Variants in DPF3 observed in about 807,000 individuals in gnomAD.
DPF3 encodes double PHD fingers 3.
DPF3 carries 18 observed loss-of-function variants against 56.8 expected under a neutral mutation model. That is an observed-to-expected ratio of 0.32 (90% CI 0.22 to 0.47). DPF3 has a LOEUF of 0.47. Among genes scored for constraint, DPF3 ranks in the 20% least tolerant of loss-of-function variants. The pLI, the probability that DPF3 is intolerant of heterozygous loss-of-function variation, is 1.00. For synonymous variants in DPF3, 188 were observed against 180.2 expected (o/e 1.04, Z -0.35); for missense variants, 403 against 488.8 (o/e 0.82, Z 1.65).
chr14:72,845,763 G>A (rs977930447), intron 1 of DPF3, among the ~76,000 whole-genome samples: 4 of 152,164 alleles, frequency 2.6e-5, no homozygotes, highest in Admixed American at 6.5e-5. Flanking sequence ...TCTATCCACT[G>A]TGTGAATTGC....
At chr14:72,811,448 C>T (rs1883040798) in intron 1 of DPF3, among the ~76,000 whole-genome samples, 1 of 152,130 alleles carries the variant, frequency 6.6e-6, no homozygotes, top group Non-Finnish European at 1.5e-5. Context: ...TCCTCACAGC[C>T]CTCAGAAGGA....
chr14:72,726,917 C>T (rs911959833), intron 4 of DPF3, among the ~76,000 whole-genome samples: 10 of 152,112 alleles, frequency 6.6e-5, no homozygotes, highest in African/African-American at 2.4e-4. Context: ...TCCTGATTTC[C>T]CTCCTTCCAT....
At chr14:72,693,849 A>G (rs1387962862) in intron 6 of DPF3, among the ~76,000 whole-genome samples, 1 of 152,198 alleles carries the variant, frequency 6.6e-6, no homozygotes, top group African/African-American at 2.4e-5. Context: ...TATCTGGATA[A>G]TCCTTTTGAT....
At chr14:72,621,742 C>T (rs548925091) in intron 9 of DPF3, among the ~76,000 whole-genome samples, 3 of 152,252 alleles carry the variant, frequency 2.0e-5, no homozygotes, top group African/African-American at 7.2e-5. Context: ...ATTACAATTG[C>T]GGCATGGAGA....
At chr14:72,835,375 T>A (rs925653187) in intron 1 of DPF3, among the ~76,000 whole-genome samples, 12 of 152,270 alleles carry the variant, frequency 7.9e-5, no homozygotes, top group Admixed American at 2.0e-4. Flanking sequence ...CCAGGATTTC[T>A]TTGTAGGGTG....
chr14:72,852,473 GA>G (rs1885021253), intron 1 of DPF3, among the ~76,000 whole-genome samples: 2 of 152,342 alleles, frequency 1.3e-5, no homozygotes, highest in African/African-American at 2.4e-5. Flanking sequence ...GAAATGGGGA[GA>G]GGGGTGGGAT....
intron 1 of DPF3, among the ~76,000 whole-genome samples, chr14:72,785,502 A>AC (rs1892174320): frequency 6.6e-6 from 1 of 152,004 alleles, no homozygotes; most frequent in Non-Finnish European, 1.5e-5. Context: ...GGGCGCCATT[A>AC]CCCCCTCACA....
rs533348692 is a variant in DPF3 at position 72,691,585 on chromosome 14, G to A, written c.742+1491C>T. On this transcript the variant is annotated intron_variant, in intron 7 of 10. Coordinates refer to ENST00000556509, the MANE Select transcript of DPF3 (RefSeq NM_001280542.3). Reference sequence around the variant, plus strand: ...CTACTAAAAATACAAAAATTAGCTGGGGGTGGTGATGAGTGCCTATAGTCC... The same window carrying A: ...CTACTAAAAATACAAAAATTAGCTGAGGGTGGTGATGAGTGCCTATAGTCC... 2.0e-5 allele frequency among the ~76,000 whole-genome samples: 3 copies of A among 152,228 alleles called. No individual in the cohort carries two copies. In the South Asian group the frequency reaches 6.2e-4, roughly 32 times the overall value.
rs571929882 is a variant in DPF3, at chr14:72,875,336, G to A, written c.32+18721C>T. On this transcript the variant is annotated intron_variant, in intron 1 of 10. Coordinates refer to ENST00000556509, the MANE Select transcript of DPF3 (RefSeq NM_001280542.3). ...GTGGGAGGATTGCTTGAGCCTGGGA[G>A]GTCGAGGCTGCAGTGAGCCATGATT... Among the ~76,000 whole-genome samples, 61 of 152,286 alleles carry A rather than the reference G, an allele frequency of 4.0e-4. No homozygotes were observed. In the South Asian group the frequency reaches 0.013, roughly 32 times the overall value.
chr14:72,884,477 C>G (rs1886438445), intron 1 of DPF3, among the ~76,000 whole-genome samples: 1 of 152,178 alleles, frequency 6.6e-6, no homozygotes, highest in Non-Finnish European at 1.5e-5. Context: ...CACATTTGCA[C>G]TTTCCACCTT....
At position 72,616,106 on chromosome 14, in the gene DPF3, C is replaced by T. The variant is rs181321091; in HGVS notation, c.*3191G>A. 1.3e-5 allele frequency among the ~76,000 whole-genome samples: 2 copies of T among 152,304 alleles called. No individual in the cohort carries two copies. Among genetic ancestry groups the T allele is most frequent in the East Asian group, 3.9e-4 (2 of 5,184 alleles). ...TGCCAGACCCGGGCCAGGATCTTTA[C>T]CAATGTCACCTTGAATACCTGCAAA... On this transcript the variant is annotated 3_prime_UTR_variant, in exon 11 of 11. Transcript: ENST00000556509.
At chr14:72,643,271 C>T (rs1346322725) in intron 8 of DPF3, among the ~76,000 whole-genome samples, 4 of 152,216 alleles carry the variant, frequency 2.6e-5, no homozygotes, top group African/African-American at 9.7e-5. Flanking sequence ...GTCACTGACT[C>T]TCTCCATGCC....
chr14:72,892,285 A>G, intron 1 of DPF3: 1 of 1,535,506 alleles, frequency 6.5e-7, no homozygotes, highest in Non-Finnish European at 8.7e-7. Flanking sequence ...TGTTGCAGCG[A>G]AAGCAACCGG....
At chr14:72,627,876 C>T (rs1884926914) in intron 9 of DPF3, among the ~76,000 whole-genome samples, 1 of 151,796 alleles carries the variant, frequency 6.6e-6, no homozygotes. Flanking sequence ...TAAATATATC[C>T]CTAAGTATTT....
At chr14:72,879,103 G>A (rs988427677) in intron 1 of DPF3, among the ~76,000 whole-genome samples, 1 of 152,336 alleles carries the variant, frequency 6.6e-6, no homozygotes, top group Non-Finnish European at 1.5e-5. Context: ...GGCACATGTG[G>A]CCAGGCTTGG....
At chr14:72,629,014 C>T (rs574203878) in intron 9 of DPF3, among the ~76,000 whole-genome samples, 3 of 152,188 alleles carry the variant, frequency 2.0e-5, no homozygotes, top group African/African-American at 7.2e-5. Context: ...AATCCCAATT[C>T]AAATAAACAG....
At chr14:72,664,282 CAT>C (rs970311471) in intron 8 of DPF3, among the ~76,000 whole-genome samples, 1 of 152,142 alleles carries the variant, frequency 6.6e-6, no homozygotes, top group African/African-American at 2.4e-5. Context: ...GAGTCTGTCT[CAT>C]AAGCTTACCC....
At chr14:72,630,022 A>T (rs892399277) in intron 8 of DPF3, among the ~76,000 whole-genome samples, 1 of 152,184 alleles carries the variant, frequency 6.6e-6, no homozygotes, top group Admixed American at 6.5e-5. Flanking sequence ...ATGATCAGAG[A>T]GAACGAGAGA....
chr14:72,714,266 G>A (rs976737885), intron 6 of DPF3, among the ~76,000 whole-genome samples, 157 bp downstream of exon 6: 8 of 152,214 alleles, frequency 5.3e-5, no homozygotes, highest in Non-Finnish European at 1.5e-5. Flanking sequence ...AGTGGTGACT[G>A]CGGTGGAGGC....
Sources: gnomAD v4.1 joint callset for allele counts (sites outside exome capture counted in the v4.1 genomes callset) on GRCh38, gnomAD v4.1.1 for gene constraint, MANE v1.5 for transcripts, NCBI Gene and HGNC (gene_info 2026-07-23, HGNC 2026-07-21) for gene names.